Variants in MAML3 observed in about 807,000 individuals in gnomAD.
MAML3 encodes the protein mastermind like transcriptional coactivator 3, also known as mastermind-like protein 3.
MAML3 carries 27 observed loss-of-function variants against 101.9 expected under a neutral mutation model. The observed-to-expected ratio is 0.27, with a 90% confidence interval of 0.20 to 0.37. The LOEUF (loss-of-function observed/expected upper bound fraction) is 0.37, where lower values mean the gene tolerates loss of function less well. Among genes scored for constraint, MAML3 ranks in the 10% least tolerant of loss-of-function variants. MAML3 has a pLI of 1.00. For synonymous variants in MAML3, 501 were observed against 555.9 expected (o/e 0.90, Z 1.39); for missense variants, 1,316 against 1,444.9 (o/e 0.91, Z 1.45).
chr4:139,849,300 G>A (rs1731507651), intron 2 of MAML3, among the ~76,000 whole-genome samples: 1 of 152,216 alleles, frequency 6.6e-6, no homozygotes, highest in African/African-American at 2.4e-5. Flanking sequence ...GATTCTAGGG[G>A]TTCTCTGGAC....
At chr4:139,812,585 T>G (rs959469306) in intron 2 of MAML3, among the ~76,000 whole-genome samples, 2 of 152,226 alleles carry the variant, frequency 1.3e-5, no homozygotes. Context: ...TAATCTTACC[T>G]CACTCCAAAC....
intron 1 of MAML3, among the ~76,000 whole-genome samples, chr4:140,060,471 C>T (rs1239035129): frequency 1.3e-5 from 2 of 150,520 alleles, no homozygotes; most frequent in Non-Finnish European, 2.9e-5. Flanking sequence ...TTCCCCAATA[C>T]AGCTCAGTAA....
intron 2 of MAML3, among the ~76,000 whole-genome samples, chr4:139,806,686 A>T (rs1243291342): frequency 6.6e-6 from 1 of 152,230 alleles, no homozygotes; most frequent in Non-Finnish European, 1.5e-5. Context: ...TAAACAACTA[A>T]AATGTTCAAC....
At chr4:140,086,416 G>A (rs187273807) in intron 1 of MAML3, among the ~76,000 whole-genome samples, 1 of 152,126 alleles carries the variant, frequency 6.6e-6, no homozygotes, top group South Asian at 2.1e-4. Context: ...ACACTGTCTC[G>A]TCGTCCAAAT....
At chr4:139,877,365 C>T (rs1456319765) in intron 2 of MAML3, among the ~76,000 whole-genome samples, 1 of 151,240 alleles carries the variant, frequency 6.6e-6, no homozygotes. Context: ...GTATTATAAC[C>T]TCTAGAAGAG....
At chr4:139,846,552 T>C (rs1473050871) in intron 2 of MAML3, among the ~76,000 whole-genome samples, 7 of 152,144 alleles carry the variant, frequency 4.6e-5, no homozygotes, top group African/African-American at 1.7e-4. Flanking sequence ...TCTGCCATAT[T>C]GCCCAGATTG....
chr4:139,854,931 C>A (rs1731629278), intron 2 of MAML3, among the ~76,000 whole-genome samples: 3 of 152,170 alleles, frequency 2.0e-5, no homozygotes, highest in Admixed American at 2.0e-4. Flanking sequence ...TGGGACCATT[C>A]TCAACTCCCC....
chr4:140,042,372 C>T (rs1166797075), intron 1 of MAML3, among the ~76,000 whole-genome samples: 4 of 152,290 alleles, frequency 2.6e-5, no homozygotes, highest in South Asian at 2.1e-4. Flanking sequence ...GAGAGCCTCA[C>T]GCCTGTAATC....
At chr4:139,832,073 G>A (rs1434889950) in intron 2 of MAML3, among the ~76,000 whole-genome samples, 80 of 141,902 alleles carry the variant, frequency 5.6e-4, no homozygotes, top group African/African-American at 1.9e-3. Flanking sequence ...GATTACAGGC[G>A]TGAGCCATCA....
chr4:140,065,692 CAA>C (rs1178502420), intron 1 of MAML3, among the ~76,000 whole-genome samples: 1 of 152,180 alleles, frequency 6.6e-6, no homozygotes, highest in East Asian at 1.9e-4. Flanking sequence ...CCTAGGCTAT[CAA>C]AAGTTACAAG....
chr4:140,087,241 G>C (rs1313038618), intron 1 of MAML3, among the ~76,000 whole-genome samples: 1 of 152,174 alleles, frequency 6.6e-6, no homozygotes, highest in Non-Finnish European at 1.5e-5. Flanking sequence ...TTTTACTAGT[G>C]ATGTTCTCTT....
chr4:139,820,985 T>G (rs1456716862), intron 2 of MAML3, among the ~76,000 whole-genome samples: 1 of 152,236 alleles, frequency 6.6e-6, no homozygotes. Flanking sequence ...CCATTTTTCA[T>G]GTGTTCCATA....
intron 2 of MAML3, among the ~76,000 whole-genome samples, chr4:139,797,388 G>A (rs989211283): frequency 3.9e-5 from 6 of 152,270 alleles, no homozygotes; most frequent in African/African-American, 1.4e-4. Context: ...ATGTCACATG[G>A]CTAAAGACAC....
At chr4:139,938,185 C>G (rs574945137) in intron 1 of MAML3, among the ~76,000 whole-genome samples, 25 of 152,224 alleles carry the variant, frequency 1.6e-4, no homozygotes, top group African/African-American at 5.3e-4. Context: ...CAATAGCAAA[C>G]ATTTTGAACT....
intron 1 of MAML3, among the ~76,000 whole-genome samples, chr4:140,090,479 T>C (rs1294702966): frequency 6.6e-6 from 1 of 152,232 alleles, no homozygotes; most frequent in Non-Finnish European, 1.5e-5. Flanking sequence ...AGTGCTTACC[T>C]ACAGCTGAAG....
chr4:139,893,033 C>T (rs1331489322), intron 1 of MAML3, among the ~76,000 whole-genome samples: 2 of 151,968 alleles, frequency 1.3e-5, no homozygotes, highest in Non-Finnish European at 2.9e-5. Context: ...TTCAGCATCT[C>T]CTCCCCTCTT....
intron 2 of MAML3, among the ~76,000 whole-genome samples, chr4:139,861,265 G>A (rs1039130964): frequency 6.6e-6 from 1 of 152,004 alleles, no homozygotes; most frequent in East Asian, 1.9e-4. Flanking sequence ...GTCTTTAAAT[G>A]TTGGCATTCC....
intron 1 of MAML3, among the ~76,000 whole-genome samples, chr4:140,088,932 G>T (rs896794742): frequency 6.6e-6 from 1 of 152,140 alleles, no homozygotes; most frequent in Admixed American, 6.5e-5. Flanking sequence ...TTGAACAAAT[G>T]AACTACGGAA....
At chr4:140,077,187 C>A (rs772158861) in intron 1 of MAML3, among the ~76,000 whole-genome samples, 8 of 152,180 alleles carry the variant, frequency 5.3e-5, no homozygotes, top group Non-Finnish European at 1.0e-4. Context: ...TAGCAGGAAT[C>A]CTATCTCCAA....
Sources: allele counts gnomAD v4.1 joint callset (sites outside exome capture counted in the v4.1 genomes callset), GRCh38; gene constraint gnomAD v4.1.1; transcripts MANE v1.5; gene names NCBI Gene and HGNC (gene_info 2026-07-23, HGNC 2026-07-21).